Variants in C10orf67 observed in about 807,000 individuals in gnomAD.
C10orf67 encodes the protein chromosome 10 open reading frame 67, also known as uncharacterized protein C10orf67, mitochondrial.
A neutral mutation model predicts 35.6 loss-of-function variants in C10orf67; 60 were observed. That is an observed-to-expected ratio of 1.68 (90% CI 1.37 to 2.09). The LOEUF (loss-of-function observed/expected upper bound fraction) is 2.09, where lower values mean the gene tolerates loss of function less well. Ranked by LOEUF, C10orf67 falls within the 30% of genes most tolerant of loss-of-function variation. The pLI is 0.00. For missense variants in C10orf67, 474 were observed against 330.2 expected (o/e 1.44, Z -3.38); for synonymous variants, 167 against 115.8 (o/e 1.44, Z -2.84).
intron 13 of C10orf67, among the ~76,000 whole-genome samples, chr10:23,230,547 T>A (rs555402329): frequency 6.6e-5 from 10 of 152,242 alleles, no homozygotes; most frequent in African/African-American, 2.4e-4. Context: ...AGAAGACATT[T>A]GCAATACATA....
chr10:23,210,665 C>T (rs574699038), intron 15 of C10orf67, among the ~76,000 whole-genome samples: 1 of 152,150 alleles, frequency 6.6e-6, no homozygotes, highest in Admixed American at 6.5e-5. Flanking sequence ...AGTGATCTGC[C>T]CAACTCAGCC....
intron 2 of C10orf67, among the ~76,000 whole-genome samples, 169 bp from the exon 3 acceptor site, chr10:23,322,706 G>A (rs1407864411): frequency 1.3e-5 from 2 of 152,108 alleles, no homozygotes; most frequent in East Asian, 1.9e-4. Context: ...GGAGGGAGAG[G>A]ATCAGGGAAA....
chr10:23,273,478 A>T (rs533930378), intron 8 of C10orf67, among the ~76,000 whole-genome samples: 6 of 152,276 alleles, frequency 3.9e-5, no homozygotes, highest in Admixed American at 1.3e-4. Flanking sequence ...AAATATATTT[A>T]TCTTCACTCA....
intron 10 of C10orf67, among the ~76,000 whole-genome samples, chr10:23,260,628 A>G (rs988619823): frequency 8.5e-5 from 13 of 152,232 alleles, no homozygotes; most frequent in Non-Finnish European, 1.9e-4. Context: ...AGATTCATGG[A>G]CAGATATGAG....
At chr10:23,278,300 C>T (rs1388332856) in intron 8 of C10orf67, among the ~76,000 whole-genome samples, 2 of 152,178 alleles carry the variant, frequency 1.3e-5, no homozygotes, top group Non-Finnish European at 2.9e-5. Flanking sequence ...GAAATTAATC[C>T]TGGAAACCCC....
At position 23,223,653 on chromosome 10, in the gene C10orf67, G is replaced by T. The variant is rs1441113957; in HGVS notation, c.1515C>A (p.Asp505Glu). The change falls in exon 15 of 16, where the codon GAC becomes GAA. Residue 505 changes from aspartate (D) to glutamate (E), a missense_variant. Coordinates refer to ENST00000636213, the MANE Select transcript of C10orf67 (RefSeq NM_001371909.1). ...CACTGACTACATCCACATGCTTACC[G>T]TCTATCTGTAAGTGAACCAAAACTT... ...SSSSHCTSSIDGKHVDVVSDQ... is the reference protein window; with the variant it reads ...SSSSHCTSSIEGKHVDVVSDQ... The T allele has an allele frequency of 1.4e-6, 1 of 717,482 alleles. No individual in the cohort carries two copies. The highest frequency in any genetic ancestry group is 1.5e-5 in the South Asian group (1 of 67,586). The allele number at this position is 717,482 out of a possible 1,614,324, so 44.4% of individuals were successfully genotyped here. A position where few individuals can be genotyped will look rare whatever the true frequency, so the allele number is the denominator to read the frequency against.
At chr10:23,256,058 G>A (rs1268394193) in intron 10 of C10orf67, among the ~76,000 whole-genome samples, 1 of 152,194 alleles carries the variant, frequency 6.6e-6, no homozygotes, top group Non-Finnish European at 1.5e-5. Context: ...CTGGAGTGCA[G>A]TGGCATGATC....
At chr10:23,238,425 T>C (rs11013345) in intron 13 of C10orf67, among the ~76,000 whole-genome samples, 5,212 of 152,270 alleles carry the variant, frequency 0.034, 276 homozygotes, top group African/African-American at 0.12. Flanking sequence ...AACAGTGGCA[T>C]ATGGATGGAT....
At chr10:23,253,372 G>C (rs1346838579) in intron 10 of C10orf67, among the ~76,000 whole-genome samples, 8 of 152,158 alleles carry the variant, frequency 5.3e-5, no homozygotes, top group Non-Finnish European at 4.4e-5. Flanking sequence ...TGTTCTCAAA[G>C]GGCACAATCC....
chr10:23,308,544 A>T (rs927963757), intron 4 of C10orf67, among the ~76,000 whole-genome samples: 10 of 152,038 alleles, frequency 6.6e-5, no homozygotes, highest in Admixed American at 4.6e-4. Flanking sequence ...TCGGCATCCA[A>T]CTTCTCAGAA....
Position 23,267,255 on chromosome 10 carries a change from C to G in C10orf67, c.976-1G>C, listed in dbSNP as rs935900051. The G allele has an allele frequency of 1.4e-6, 1 of 713,584 alleles. No individual in the cohort carries two copies. The highest frequency in any genetic ancestry group is 1.8e-5 in the African/African-American group (1 of 57,018). The allele number at this position is 713,584 out of a possible 1,614,324, so 44.2% of individuals were successfully genotyped here. On this transcript the variant is annotated splice_acceptor_variant, in intron 8 of 15. Coordinates refer to ENST00000636213, the MANE Select transcript of C10orf67 (RefSeq NM_001371909.1). LOFTEE classifies it high-confidence loss of function. ...CCTTGTCCTCTTTCTGTTTATTAAT[C>G]TGTAAAATTGAAGACCCATATCATT...
At chr10:23,216,523 A>G (rs147136360) in intron 15 of C10orf67, among the ~76,000 whole-genome samples, 37 of 152,154 alleles carry the variant, frequency 2.4e-4, no homozygotes, top group Admixed American at 1.1e-3. Flanking sequence ...CATATACACT[A>G]TGAGAAATAG....
chr10:23,306,907 A>G (rs1030522700), intron 4 of C10orf67, among the ~76,000 whole-genome samples: 4 of 152,212 alleles, frequency 2.6e-5, no homozygotes, highest in Non-Finnish European at 5.9e-5. Flanking sequence ...ATAATAGTAA[A>G]TCCTAATAGT....
At chr10:23,291,489 C>T (rs1206154906) in intron 5 of C10orf67, among the ~76,000 whole-genome samples, 2 of 152,180 alleles carry the variant, frequency 1.3e-5, no homozygotes, top group African/African-American at 4.8e-5. Flanking sequence ...CACATGGGGA[C>T]ATTTTATTGA....
In C10orf67 at chr10:23,229,413, T is replaced by A. The variant is rs1841841437; in HGVS notation, c.1435-5595A>T. Among the ~76,000 whole-genome samples the A allele has an allele frequency of 6.1e-5, 7 of 113,906 alleles. No homozygotes were observed. The Admixed American group carries it at 7.7e-4, about 13-fold the overall frequency. The allele number at this position is 113,906 out of a possible 152,430, so 74.7% of individuals were successfully genotyped here. A position where few individuals can be genotyped will look rare whatever the true frequency, so the allele number is the denominator to read the frequency against. On this transcript the variant is annotated intron_variant, in intron 13 of 15. Transcript: ENST00000636213. ...ACACTTGGACACAGGAAGGGGGACATCATACACCGAGGCCTGTCATGGGGT... is the reference window on the plus strand; with the variant it reads ...ACACTTGGACACAGGAAGGGGGACAACATACACCGAGGCCTGTCATGGGGT...
At chr10:23,235,988 C>A (rs1287358348) in intron 13 of C10orf67, among the ~76,000 whole-genome samples, 2 of 152,012 alleles carry the variant, frequency 1.3e-5, no homozygotes, top group African/African-American at 4.8e-5. Context: ...GTGGCTCAAG[C>A]CTGTAATCCC....
intron 10 of C10orf67, among the ~76,000 whole-genome samples, chr10:23,255,295 C>A (rs1264573544): frequency 6.6e-6 from 1 of 152,188 alleles, no homozygotes; most frequent in African/African-American, 2.4e-5. Flanking sequence ...TTTCTTCTAA[C>A]AAAATTGTTA....
chr10:23,289,943 C>T lies in C10orf67; in HGVS notation c.866G>A (p.Ser289Asn), dbSNP rs1294053731. The T allele has an allele frequency of 7.0e-6, 5 of 717,100 alleles. No homozygotes were observed. The highest frequency in any genetic ancestry group is 1.3e-5 in the Non-Finnish European group (5 of 384,936). The allele number at this position is 717,100 out of a possible 1,614,324, so 44.4% of individuals were successfully genotyped here. A position where few individuals can be genotyped will look rare whatever the true frequency, so the allele number is the denominator to read the frequency against. ...ATCCTTTTCTGCCATCTCTTTCATA[C>T]TTATAAGTTCATCTTCTGTAAACAA... ...ENSGLEDELI[S>N]MKEMAEKDHK... Residue 289 changes from serine (S) to asparagine (N), a missense_variant, in exon 7 of 16, where the codon AGT becomes AAT. Coordinates refer to ENST00000636213, the MANE Select transcript of C10orf67 (RefSeq NM_001371909.1).
chr10:23,217,501 C>T (rs1049394404), intron 15 of C10orf67, among the ~76,000 whole-genome samples: 2 of 152,166 alleles, frequency 1.3e-5, no homozygotes, highest in African/African-American at 4.8e-5. Context: ...TAAACACTTT[C>T]TCAGTGTTTT....
Sources: allele counts gnomAD v4.1 joint callset (sites outside exome capture counted in the v4.1 genomes callset), GRCh38; gene constraint gnomAD v4.1.1; transcripts MANE v1.5; gene names NCBI Gene and HGNC (gene_info 2026-07-23, HGNC 2026-07-21).